The following FGL1 variants were observed in gnomAD, a reference collection of about 807,000 sequenced individuals.
FGL1 encodes fibrinogen like 1, also known as fibrinogen-like protein 1.
Under a neutral mutation model 43.7 loss-of-function variants are expected in FGL1, and 59 were observed. That is an observed-to-expected ratio of 1.35 (90% CI 1.10 to 1.68). The LOEUF (loss-of-function observed/expected upper bound fraction) is 1.68, where lower values mean the gene tolerates loss of function less well. FGL1 is among the 40% of genes most tolerant of loss of function. FGL1 has a pLI of 0.00. For synonymous variants in FGL1, 192 were observed against 126.5 expected, an observed-to-expected ratio of 1.52 and a Z score of -3.48; for missense variants, 596 against 373.0, an observed-to-expected ratio of 1.60 and a Z score of -4.92.
Position 17,868,681 on chromosome 8 carries a change from C to A in FGL1, c.646G>T (p.Ala216Ser), listed in dbSNP as rs1290621009. Residue 216 changes from alanine (A) to serine (S), a missense_variant, in exon 7 of 8, where the codon GCG (alanine) becomes TCG (serine). Transcript: ENST00000427924. ...EYSGTAGDSLAGNFHPEVQWW... is the reference protein window; with the variant it reads ...EYSGTAGDSLSGNFHPEVQWW... ...TGCACCTCAGGATGAAAATTCCCCG[C>A]AAGGGAATCTCCAGCTGTTCCAGAA... The A allele has an allele frequency of 3.1e-6, 5 of 1,613,798 alleles. No homozygotes were observed. The highest frequency in any genetic ancestry group is 4.2e-6 in the Non-Finnish European group (5 of 1,179,916).
chr8:17,891,707 G>A, intron 1 of FGL1: 1 of 985,028 alleles, frequency 1.0e-6, no homozygotes, highest in Non-Finnish European at 1.2e-6. Flanking sequence ...GAACTTCCCA[G>A]GATCTGTTAT....
chr8:17,883,020 T>C (rs1243932248), intron 2 of FGL1, among the ~76,000 whole-genome samples: 1 of 95,582 alleles, frequency 1.0e-5, no homozygotes, highest in Non-Finnish European at 1.7e-5. Context: ...ATATATAATA[T>C]ATATCATATG....
At chr8:17,883,878 T>G (rs2053588436) in intron 2 of FGL1, among the ~76,000 whole-genome samples, 1 of 150,256 alleles carries the variant, frequency 6.7e-6, no homozygotes, top group Non-Finnish European at 1.5e-5. Flanking sequence ...GATGATTTCT[T>G]TCTCCTCTTT....
At chr8:17,881,929 A>C in intron 3 of FGL1, 70 bp downstream of exon 3, 1 of 1,280,566 alleles carries the variant, frequency 7.8e-7, no homozygotes, top group African/African-American at 1.5e-5. Flanking sequence ...GCCTGAAATA[A>C]CTAGCACCAT....
At chr8:17,884,147 G>A (rs558416235) in intron 2 of FGL1, among the ~76,000 whole-genome samples, 2 of 133,960 alleles carry the variant, frequency 1.5e-5, no homozygotes, top group Non-Finnish European at 3.2e-5. Flanking sequence ...CTAGGTCCAA[G>A]TCACAGAACC....
chr8:17,878,537 C>T (rs1433741986), intron 3 of FGL1, among the ~76,000 whole-genome samples: 1 of 152,012 alleles, frequency 6.6e-6, no homozygotes, highest in African/African-American at 2.4e-5. Flanking sequence ...GGTGGTGACG[C>T]CAGATTTTTG....
chr8:17,864,828 A>G, intron 7 of FGL1, 77 bp from the exon 8 acceptor site: 1 of 1,224,670 alleles, frequency 8.2e-7, no homozygotes, highest in Non-Finnish European at 1.0e-6. Flanking sequence ...TTATTTTGCT[A>G]CAAATGCTCA....
chr8:17,890,015 T>C (rs2053682674), intron 1 of FGL1, among the ~76,000 whole-genome samples: 1 of 152,220 alleles, frequency 6.6e-6, no homozygotes, highest in Non-Finnish European at 1.5e-5. Flanking sequence ...AATACATTAA[T>C]GTGTGCCATT....
intron 5 of FGL1, 108 bp from the exon 6 acceptor site, chr8:17,869,112 G>C: frequency 6.4e-6 from 4 of 625,220 alleles, no homozygotes. Context: ...CATTTCCCTT[G>C]GCCAAGAATC....
rs563690435 is a variant in FGL1 at position 17,880,382 on chromosome 8, A to G, written c.244+1617T>C. Among the ~76,000 whole-genome samples the G allele has an allele frequency of 1.1e-3, 166 of 152,182 alleles. 1 individual carries two copies. Among genetic ancestry groups the G allele is most frequent in the African/African-American group, 3.8e-3 (157 of 41,524 alleles). On this transcript the variant is annotated intron_variant, in intron 3 of 7. Transcript: ENST00000427924. ...TTTTATGGAAGCATAGACTCTCACA[A>G]CTCCTATATCCTACACTTGTATGAT...
chr8:17,871,071 G>A (rs1043252635), intron 5 of FGL1, among the ~76,000 whole-genome samples: 1 of 152,020 alleles, frequency 6.6e-6, no homozygotes, highest in Non-Finnish European at 1.5e-5. Context: ...GCCTCTCTTG[G>A]GCTTGTTGAT....
intron 7 of FGL1, among the ~76,000 whole-genome samples, chr8:17,866,697 A>T (rs2053275081): frequency 6.6e-6 from 1 of 152,214 alleles, no homozygotes; most frequent in Non-Finnish European, 1.5e-5. Flanking sequence ...ATTAATATAC[A>T]TGGTAGTTTT....
At chr8:17,885,660 G>A in intron 1 of FGL1, 89 bp from the exon 2 acceptor site, 1 of 1,072,828 alleles carries the variant, frequency 9.3e-7, no homozygotes, top group Admixed American at 2.1e-5. Flanking sequence ...CAGGAAGTCG[G>A]ATGCAGCCGC....
chr8:17,893,736 C>G (rs1170672420), intron 1 of FGL1, among the ~76,000 whole-genome samples: 1 of 146,974 alleles, frequency 6.8e-6, no homozygotes, highest in Non-Finnish European at 1.5e-5. Flanking sequence ...CTTTGCAATT[C>G]TAACCAACAT....
At position 17,874,075 on chromosome 8, in the gene FGL1, T is replaced by C. The variant is rs1215391799; in HGVS notation, c.446A>G (p.Gln149Arg). The C allele has an allele frequency of 4.3e-6, 7 of 1,611,932 alleles. No individual in the cohort carries two copies. In the Admixed American group the frequency reaches 8.4e-5, roughly 19 times the overall value. ...DYENGFGNFVQKHGEYWLGNK... is the reference protein window; with the variant it reads ...DYENGFGNFVRKHGEYWLGNK... Reference sequence around the variant, plus strand: ...GCCCAGCCAATATTCACCATGTTTTTGGACAAAATTTCCAAAGCCATTTTC... The same window carrying C: ...GCCCAGCCAATATTCACCATGTTTTCGGACAAAATTTCCAAAGCCATTTTC... Residue 149 changes from glutamine to arginine, a missense_variant, in exon 5 of 8, where the codon CAA becomes CGA. Coordinates refer to ENST00000427924, the MANE Select transcript of FGL1 (RefSeq NM_004467.4).
At chr8:17,877,833 GAT>G (rs1291010167) in intron 3 of FGL1, among the ~76,000 whole-genome samples, 18 of 152,278 alleles carry the variant, frequency 1.2e-4, no homozygotes, top group African/African-American at 4.1e-4. Flanking sequence ...GAGAGAATGC[GAT>G]ACTCTTGTAG....
intron 1 of FGL1, among the ~76,000 whole-genome samples, chr8:17,886,943 A>G (rs1411017717): frequency 6.6e-6 from 1 of 152,132 alleles, no homozygotes; most frequent in Non-Finnish European, 1.5e-5. Context: ...GTAGAGGCAA[A>G]TGGGCTAACA....
At chr8:17,886,109 T>C (rs2053624323) in intron 1 of FGL1, among the ~76,000 whole-genome samples, 1 of 152,218 alleles carries the variant, frequency 6.6e-6, no homozygotes, top group South Asian at 2.1e-4. Flanking sequence ...TAGCATTTAA[T>C]TCTTGTGGTG....
At chr8:17,872,862 A>T (rs374806041) in intron 5 of FGL1, among the ~76,000 whole-genome samples, 31 of 152,244 alleles carry the variant, frequency 2.0e-4, no homozygotes, top group Admixed American at 2.0e-3. Flanking sequence ...AGACATCCAG[A>T]TGTCTGCTAT....
Sources: allele counts gnomAD v4.1 joint callset (sites outside exome capture counted in the v4.1 genomes callset), GRCh38; gene constraint gnomAD v4.1.1; transcripts MANE v1.5; gene names NCBI Gene and HGNC (gene_info 2026-07-23, HGNC 2026-07-21).